Variants in PDE4D observed in about 807,000 individuals in gnomAD.
The protein encoded by PDE4D is phosphodiesterase 4D, also known as 3',5'-cyclic-AMP phosphodiesterase 4D.
A neutral mutation model predicts 87.4 loss-of-function variants in PDE4D; 24 were observed. That is an observed-to-expected ratio of 0.27 (90% CI 0.20 to 0.39). The LOEUF (loss-of-function observed/expected upper bound fraction) is 0.39, where lower values mean the gene tolerates loss of function less well. Among genes scored for constraint, PDE4D ranks in the 10% least tolerant of loss-of-function variants. The pLI, the probability that PDE4D is intolerant of heterozygous loss-of-function variation, is 1.00. For synonymous variants in PDE4D, 384 were observed against 383.2 expected, an observed-to-expected ratio of 1.00 and a Z score of -0.02; for missense variants, 714 against 1,041.0, an observed-to-expected ratio of 0.69 and a Z score of 4.32.
At chr5:59,587,234 A>G (rs565332215) in intron 1 of PDE4D, among the ~76,000 whole-genome samples, 1 of 152,304 alleles carries the variant, frequency 6.6e-6, no homozygotes, top group African/African-American at 2.4e-5. Context: ...TATCAAAACC[A>G]TGTGGGAGCT....
At chr5:60,130,814 G>A (rs896165813) in intron 2 of PDE4D, among the ~76,000 whole-genome samples, 3 of 152,166 alleles carry the variant, frequency 2.0e-5, no homozygotes, top group African/African-American at 7.2e-5. Context: ...AGATATGTCT[G>A]TGCCTATGGG....
At chr5:60,343,483 G>A (rs1023500436) in intron 1 of PDE4D, among the ~76,000 whole-genome samples, 5 of 152,178 alleles carry the variant, frequency 3.3e-5, no homozygotes, top group Admixed American at 6.5e-5. Context: ...TAATGGTAGT[G>A]TCTATTAAGC....
In PDE4D at chr5:59,531,676, G is replaced by C. The variant is rs189642554; in HGVS notation, c.456-315708C>G. On this transcript the variant is annotated intron_variant, in intron 1 of 14. Transcript: ENST00000340635. ...CAGGCCCCCTTCTTTCATTTCCAAA[G>C]CCAACAAAGTTGCATCTGTCTGACC... 2.6e-3 allele frequency among the ~76,000 whole-genome samples: 389 copies of C among 152,126 alleles called. 9 individuals carry two copies. Among genetic ancestry groups the C allele is most frequent in the African/African-American group, 8.9e-3 (370 of 41,508 alleles).
chr5:59,157,127 A>T (rs552796142), intron 5 of PDE4D: 1 of 488,584 alleles, frequency 2.0e-6, no homozygotes, highest in South Asian at 4.2e-5. Flanking sequence ...TAATGACATT[A>T]ATACCCAGGA....
chr5:59,991,412 A>C (rs971965683), intron 2 of PDE4D, among the ~76,000 whole-genome samples: 1 of 152,170 alleles, frequency 6.6e-6, no homozygotes, highest in Non-Finnish European at 1.5e-5. Context: ...GGTTTGAACA[A>C]CACATTTTGA....
At chr5:59,487,130 A>C (rs1292292141) in intron 1 of PDE4D, among the ~76,000 whole-genome samples, 1 of 152,168 alleles carries the variant, frequency 6.6e-6, no homozygotes, top group Non-Finnish European at 1.5e-5. Context: ...ACAAAATCCT[A>C]GTCAGTATGG....
At chr5:59,795,932 T>TG (rs1191593235) in intron 1 of PDE4D, among the ~76,000 whole-genome samples, 1 of 152,112 alleles carries the variant, frequency 6.6e-6, no homozygotes, top group Non-Finnish European at 1.5e-5. Context: ...AGGAAGGCAC[T>TG]ATGAAGAAAC....
chr5:59,591,956 A>T (rs548508495), intron 1 of PDE4D, among the ~76,000 whole-genome samples: 76 of 152,260 alleles, frequency 5.0e-4, no homozygotes, highest in African/African-American at 1.8e-3. Context: ...TAAAATTTAC[A>T]TGAGTTTTCA....
intron 6 of PDE4D, among the ~76,000 whole-genome samples, chr5:59,031,387 ATATATTATATATATATATATATATATAT>A (rs752641221): frequency 0.13 from 9,257 of 71,642 alleles, 401 homozygotes; most frequent in South Asian, 0.19. Context: ...ATATATATAT[ATATATTATATATATATATATATATATAT>A]AGATTATACA....
At chr5:60,009,304 T>C (rs13178369) in intron 2 of PDE4D, among the ~76,000 whole-genome samples, 195 of 152,182 alleles carry the variant, frequency 1.3e-3, no homozygotes, top group Non-Finnish European at 1.6e-3. Context: ...CTCCAGGTGA[T>C]CATCACTTTC....
intron 2 of PDE4D, among the ~76,000 whole-genome samples, chr5:60,127,034 A>G (rs777533145): frequency 6.6e-6 from 1 of 152,230 alleles, no homozygotes; most frequent in South Asian, 2.1e-4. Context: ...AGTCTTCTAA[A>G]CTGAAGTGAA....
chr5:60,414,206 A>G (rs6864442), intron 1 of PDE4D, among the ~76,000 whole-genome samples: 39,244 of 152,068 alleles, frequency 0.26, 7,101 homozygotes, highest in African/African-American at 0.52. Context: ...CTTTATACCA[A>G]TTATATACCA....
chr5:60,087,214 A>G (rs1277895557), intron 2 of PDE4D, among the ~76,000 whole-genome samples: 1 of 152,250 alleles, frequency 6.6e-6, no homozygotes, highest in African/African-American at 2.4e-5. Flanking sequence ...CCAGAATGGG[A>G]AGAAATAACA....
intron 1 of PDE4D, among the ~76,000 whole-genome samples, chr5:59,884,657 CA>C (rs1315221412): frequency 6.6e-6 from 1 of 151,846 alleles, no homozygotes; most frequent in African/African-American, 2.4e-5. Flanking sequence ...AGTTTCTAAA[CA>C]TAGAATTAAT....
At chr5:60,310,085 G>C (rs1754869467) in intron 1 of PDE4D, among the ~76,000 whole-genome samples, 1 of 152,144 alleles carries the variant, frequency 6.6e-6, no homozygotes, top group African/African-American at 2.4e-5. Flanking sequence ...AGAATAGCTA[G>C]CACCTTACCA....
intron 1 of PDE4D, among the ~76,000 whole-genome samples, chr5:59,465,780 T>C (rs1191489964): frequency 6.6e-6 from 1 of 152,196 alleles, no homozygotes; most frequent in South Asian, 2.1e-4. Flanking sequence ...AGACCATTCA[T>C]TGGGCTCAAC....
chr5:60,107,553 CA>C (rs1054644944), intron 2 of PDE4D, among the ~76,000 whole-genome samples: 5 of 151,812 alleles, frequency 3.3e-5, no homozygotes, highest in African/African-American at 1.2e-4. Context: ...GAGACACAAC[CA>C]AAAAAGAGAA....
chr5:59,576,929 T>G (rs995071218), intron 1 of PDE4D, among the ~76,000 whole-genome samples: 2 of 152,196 alleles, frequency 1.3e-5, no homozygotes, highest in African/African-American at 2.4e-5. Flanking sequence ...TCTCTTTCAC[T>G]GATCTCAATA....
chr5:59,293,988 T>C (rs1382203953), intron 1 of PDE4D, among the ~76,000 whole-genome samples: 1 of 152,168 alleles, frequency 6.6e-6, no homozygotes, highest in Admixed American at 6.6e-5. Context: ...TCCCAACTCC[T>C]TGGAGATCAT....
Sources: gnomAD v4.1 joint callset for allele counts (sites outside exome capture counted in the v4.1 genomes callset) on GRCh38, gnomAD v4.1.1 for gene constraint, MANE v1.5 for transcripts, NCBI Gene and HGNC (gene_info 2026-07-23, HGNC 2026-07-21) for gene names.